GOLGA1: variants seen among roughly 807,000 people sequenced by gnomAD.
The protein encoded by GOLGA1 is golgin subfamily A member 1.
A neutral mutation model predicts 119.7 loss-of-function variants in GOLGA1; 63 were observed. The ratio of observed to expected loss-of-function variants is 0.53; its 90% CI spans 0.43 to 0.65. The LOEUF (loss-of-function observed/expected upper bound fraction) is 0.65. Among genes scored for constraint, GOLGA1 ranks in the 30% least tolerant of loss-of-function variants. The pLI is 0.00. For missense variants in GOLGA1, 798 were observed against 912.8 expected, an observed-to-expected ratio of 0.87 and a Z score of 1.62; for synonymous variants, 318 against 333.4, an observed-to-expected ratio of 0.95 and a Z score of 0.50.
At chr9:124,916,272 TAGAGTAAA>T (rs1830444721) in intron 10 of GOLGA1, among the ~76,000 whole-genome samples, 1 of 151,688 alleles carries the variant, frequency 6.6e-6, no homozygotes, top group South Asian at 2.1e-4. Context: ...TGCTATCCAG[TAGAGTAAA>T]AAATGTGTAA....
At chr9:124,938,037 C>A (rs138647228) in intron 3 of GOLGA1, among the ~76,000 whole-genome samples, 1 of 146,812 alleles carries the variant, frequency 6.8e-6, no homozygotes, top group Non-Finnish European at 1.5e-5. Context: ...GAACCAAGAT[C>A]AGGCCACTGC....
intron 5 of GOLGA1, 51 bp from the exon 6 acceptor site, chr9:124,928,336 A>G: frequency 1.1e-6 from 1 of 938,258 alleles, no homozygotes. Context: ...CAGAAACAGC[A>G]TGACAAATAG....
intron 2 of GOLGA1, among the ~76,000 whole-genome samples, chr9:124,939,457 T>C (rs1002067856): frequency 2.0e-5 from 3 of 151,694 alleles, no homozygotes; most frequent in African/African-American, 7.3e-5. Flanking sequence ...AACTCTATTA[T>C]ATAAGTATCT....
intron 3 of GOLGA1, among the ~76,000 whole-genome samples, chr9:124,934,876 G>A (rs745893765): frequency 1.3e-5 from 2 of 152,052 alleles, no homozygotes; most frequent in Non-Finnish European, 2.9e-5. Context: ...GCAAAACTCC[G>A]TCGCTACAAA....
At chr9:124,916,498 T>G (rs187377148) in intron 10 of GOLGA1, among the ~76,000 whole-genome samples, 1 of 152,072 alleles carries the variant, frequency 6.6e-6, no homozygotes, top group Non-Finnish European at 1.5e-5. Flanking sequence ...TGAACAATTA[T>G]GTAGAAAAAT....
In GOLGA1 at chr9:124,880,486, GAA is replaced by G. The variant is rs765921387; in HGVS notation, c.*42_*43del. 9.2e-7 allele frequency: 1 copy of G among 1,087,268 alleles called. No individual in the cohort carries two copies. The highest frequency in any genetic ancestry group is 1.4e-6 in the Non-Finnish European group (1 of 699,714). The allele number at this position is 1,087,268 out of a possible 1,614,324, so 67.4% of individuals were successfully genotyped here. On this transcript the variant is annotated 3_prime_UTR_variant, in exon 23 of 23. Transcript: ENST00000373555. ...CTGGTGTGTCAGTGTTCTTTTCACA[GAA>G]AAAGTGTCAACCCACGGAGCTCCAT...
At chr9:124,929,417 A>G in intron 4 of GOLGA1, 127 bp from the exon 5 acceptor site, 1 of 686,286 alleles carries the variant, frequency 1.5e-6, no homozygotes, top group Non-Finnish European at 2.7e-6. Context: ...TGTTAAGGAA[A>G]GCTAGACAGA....
At chr9:124,900,593 G>C in intron 12 of GOLGA1, 46 bp from the exon 13 acceptor site, 2 of 916,072 alleles carry the variant, frequency 2.2e-6, no homozygotes, top group South Asian at 2.9e-5. Context: ...AGAAGCTGAA[G>C]AGTGGTAACA....
chr9:124,905,970 G>C (rs773935116), intron 12 of GOLGA1, among the ~76,000 whole-genome samples: 18 of 151,506 alleles, frequency 1.2e-4, no homozygotes, highest in Non-Finnish European at 2.5e-4. Flanking sequence ...AAAATTAGTC[G>C]GGCGTGGTGG....
chr9:124,930,977 C>T (rs1273186510), intron 4 of GOLGA1, among the ~76,000 whole-genome samples: 1 of 152,328 alleles, frequency 6.6e-6, no homozygotes, highest in East Asian at 1.9e-4. Context: ...GTTGGCCATT[C>T]CCTTTAAATA....
chr9:124,893,619 G>A (rs1248050325), intron 15 of GOLGA1, among the ~76,000 whole-genome samples: 2 of 152,086 alleles, frequency 1.3e-5, no homozygotes, highest in Admixed American at 6.5e-5. Context: ...GTTACTTCCC[G>A]TTCAAGCTTA....
In GOLGA1 at chr9:124,890,411, TG is replaced by T; in HGVS notation, c.1474del (p.Gln492LysfsTer12). On this transcript the variant is annotated frameshift_variant, in exon 16 of 23. Transcript: ENST00000373555. LOFTEE classifies it high-confidence loss of function. ...CACCTGTTGCTGGAACTCTTCCCTT[TG>T]CTTCCGCACCTCCTCCAGGGCTTGA... ...MAQALEEVRK[Q>X]REEFQQQAAN... 6.2e-7 allele frequency: 1 copy of T among 1,613,400 alleles called. No individual in the cohort carries two copies. Among genetic ancestry groups the T allele is most frequent in the South Asian group, 1.1e-5 (1 of 91,072 alleles).
intron 6 of GOLGA1, 53 bp downstream of exon 6, chr9:124,928,135 G>A (rs761756253): frequency 3.0e-5 from 22 of 736,458 alleles, no homozygotes; most frequent in East Asian, 1.9e-4. Context: ...TTGAAATCAC[G>A]TCACTAAGTG....
intron 10 of GOLGA1, among the ~76,000 whole-genome samples, chr9:124,912,765 A>G (rs1475861799): frequency 6.6e-6 from 1 of 151,998 alleles, no homozygotes; most frequent in African/African-American, 2.4e-5. Context: ...GATGGTCTCA[A>G]TCTCCTGTCC....
chr9:124,884,522 G>A (rs1353846516), intron 19 of GOLGA1, among the ~76,000 whole-genome samples: 3 of 152,128 alleles, frequency 2.0e-5, no homozygotes, highest in African/African-American at 4.8e-5. Flanking sequence ...GTCTTACTGC[G>A]TGGCTGGGCT....
intron 12 of GOLGA1, among the ~76,000 whole-genome samples, chr9:124,903,405 G>C (rs931621782): frequency 3.3e-5 from 5 of 152,026 alleles, no homozygotes; most frequent in Admixed American, 3.3e-4. Flanking sequence ...TTAAACCTGC[G>C]GGGTGGGGGT....
At chr9:124,941,332 C>A (rs1166960476), upstream of GOLGA1, among the ~76,000 whole-genome samples, 1 of 152,230 alleles carries the variant, frequency 6.6e-6, no homozygotes, top group Non-Finnish European at 1.5e-5. Flanking sequence ...TCTATTTTAA[C>A]AGGGGCGCGT....
intron 11 of GOLGA1, 105 bp downstream of exon 11, chr9:124,911,796 A>G (rs1830345789): frequency 3.1e-6 from 3 of 960,324 alleles, no homozygotes; most frequent in Admixed American, 4.4e-5. Flanking sequence ...TTTTGTTACC[A>G]TGCTGTTTGC....
chr9:124,897,334 A>ATTTAT (rs1221871577), intron 15 of GOLGA1, among the ~76,000 whole-genome samples: 1 of 152,020 alleles, frequency 6.6e-6, no homozygotes, highest in Non-Finnish European at 1.5e-5. Context: ...TTCCACTGCT[A>ATTTAT]TTTATTTTAT....
Sources: gnomAD v4.1 joint callset for allele counts (sites outside exome capture counted in the v4.1 genomes callset) on GRCh38, gnomAD v4.1.1 for gene constraint, MANE v1.5 for transcripts, NCBI Gene and HGNC (gene_info 2026-07-23, HGNC 2026-07-21) for gene names.